The following RPH3A variants were observed in gnomAD, a reference collection of about 807,000 sequenced individuals.
RPH3A encodes the protein rabphilin 3A.
RPH3A carries 48 observed loss-of-function variants against 102.2 expected under a neutral mutation model. That is an observed-to-expected ratio of 0.47 (90% CI 0.37 to 0.60). The LOEUF is 0.60. Ranked by LOEUF, RPH3A falls within the 20% of genes least tolerant of loss-of-function variation. The pLI is 0.00. For synonymous variants in RPH3A, 310 were observed against 324.3 expected, an observed-to-expected ratio of 0.96 and a Z score of 0.47; for missense variants, 781 against 910.1, an observed-to-expected ratio of 0.86 and a Z score of 1.83.
intron 1 of RPH3A, among the ~76,000 whole-genome samples, chr12:112,781,696 C>T (rs1445034559): frequency 6.6e-6 from 1 of 152,180 alleles, no homozygotes; most frequent in African/African-American, 2.4e-5. Context: ...TTCATTCATT[C>T]ACTCAATCAT....
chr12:112,647,297 C>T (rs1417084217), intron 1 of RPH3A, among the ~76,000 whole-genome samples: 1 of 152,156 alleles, frequency 6.6e-6, no homozygotes, highest in African/African-American at 2.4e-5. Flanking sequence ...TGAACCATTG[C>T]TCTGGCCATG....
chr12:112,871,469 A>G (rs1314710311), intron 10 of RPH3A, among the ~76,000 whole-genome samples: 1 of 152,190 alleles, frequency 6.6e-6, no homozygotes, highest in Non-Finnish European at 1.5e-5. Context: ...TGACTGGCTT[A>G]TTCCACCTAG....
At chr12:112,647,531 G>C (rs2039940490) in intron 1 of RPH3A, among the ~76,000 whole-genome samples, 1 of 152,124 alleles carries the variant, frequency 6.6e-6, no homozygotes, top group African/African-American at 2.4e-5. Context: ...TAAATTTCAT[G>C]CTGCAATCAA....
At chr12:112,798,055 G>A (rs2136098333) in intron 2 of RPH3A, among the ~76,000 whole-genome samples, 1 of 152,310 alleles carries the variant, frequency 6.6e-6, no homozygotes, top group African/African-American at 2.4e-5. Flanking sequence ...AGGCAGCAGT[G>A]CTGAGGGCCC....
At chr12:112,714,263 A>G (rs2040499683) in intron 1 of RPH3A, among the ~76,000 whole-genome samples, 1 of 152,146 alleles carries the variant, frequency 6.6e-6, no homozygotes, top group Admixed American at 6.5e-5. Flanking sequence ...ACAGCAGTGC[A>G]TCTTGAGGCA....
Position 112,890,916 on chromosome 12 carries a change from A to T in RPH3A, c.1688A>T (p.Gln563Leu). Reference sequence around the variant, plus strand: ...CTGGTCTCCCTCATGTACAGCACACAGCAGGGAGGCCTCATTGTGGGCATC... The same window carrying T: ...CTGGTCTCCCTCATGTACAGCACACTGCAGGGAGGCCTCATTGTGGGCATC... ...KILVSLMYSTQQGGLIVGIIR... is the reference protein window; with the variant it reads ...KILVSLMYSTLQGGLIVGIIR... The change falls in exon 19 of 22, where the codon CAG (glutamine) becomes CTG (leucine). Residue 563 changes from glutamine (Q) to leucine (L), a missense_variant. Coordinates refer to ENST00000389385, the MANE Select transcript of RPH3A (RefSeq NM_001143854.2). 1 of 1,614,088 alleles carries T rather than the reference A, an allele frequency of 6.2e-7. No homozygotes were observed. The highest frequency in any genetic ancestry group is 8.5e-7 in the Non-Finnish European group (1 of 1,179,992).
chr12:112,858,428 C>G (rs1380649808), intron 5 of RPH3A, among the ~76,000 whole-genome samples: 1 of 152,086 alleles, frequency 6.6e-6, no homozygotes, highest in Admixed American at 6.5e-5. Context: ...ATCTCTCCAG[C>G]CTCATCTCCC....
intron 4 of RPH3A, among the ~76,000 whole-genome samples, 166 bp from the exon 5 acceptor site, chr12:112,847,530 A>G (rs531259657): frequency 3.3e-5 from 5 of 152,378 alleles, no homozygotes; most frequent in African/African-American, 1.2e-4. Flanking sequence ...TAAACTCATT[A>G]GAAGCCTAAG....
intron 1 of RPH3A, among the ~76,000 whole-genome samples, chr12:112,681,621 A>T (rs1184952927): frequency 6.6e-6 from 1 of 152,188 alleles, no homozygotes; most frequent in African/African-American, 2.4e-5. Flanking sequence ...ACATTACAGG[A>T]ATTATGTTAA....
chr12:112,774,560 G>A (rs893053190), intron 1 of RPH3A, among the ~76,000 whole-genome samples: 1 of 152,156 alleles, frequency 6.6e-6, no homozygotes, highest in African/African-American at 2.4e-5. Flanking sequence ...TACTTTGAAA[G>A]GTTTGGGTTG....
chr12:112,621,249 G>A (rs1192173823), intron 1 of RPH3A, among the ~76,000 whole-genome samples: 2 of 151,714 alleles, frequency 1.3e-5, no homozygotes, highest in African/African-American at 2.4e-5. Flanking sequence ...AGCTCCCAGC[G>A]TGAGCGACGC....
At chr12:112,851,391 C>T (rs1362934083) in intron 5 of RPH3A, among the ~76,000 whole-genome samples, 1 of 152,150 alleles carries the variant, frequency 6.6e-6, no homozygotes, top group Non-Finnish European at 1.5e-5. Flanking sequence ...ATTTTAATTA[C>T]TCAGGTTTGG....
intron 1 of RPH3A, among the ~76,000 whole-genome samples, chr12:112,644,600 T>C (rs1262035584): frequency 6.6e-6 from 1 of 152,226 alleles, no homozygotes; most frequent in Admixed American, 6.5e-5. Context: ...TCTGCTACAG[T>C]GGCTGAGAAA....
intron 10 of RPH3A, chr12:112,874,055 A>G (rs188866822): frequency 1.4e-4 from 21 of 152,340 alleles, no homozygotes; most frequent in African/African-American, 4.8e-4. Context: ...GGTGATTTGT[A>G]AGCCCCCAGG....
intron 1 of RPH3A, among the ~76,000 whole-genome samples, chr12:112,649,030 A>G (rs890017373): frequency 2.0e-5 from 3 of 152,154 alleles, no homozygotes; most frequent in Non-Finnish European, 4.4e-5. Flanking sequence ...TGCTGACCAG[A>G]TTGGTCTCAA....
intron 1 of RPH3A, among the ~76,000 whole-genome samples, chr12:112,615,326 A>G (rs908389940): frequency 2.0e-5 from 3 of 152,122 alleles, no homozygotes; most frequent in African/African-American, 7.2e-5. Context: ...CATCTGGTGA[A>G]CCCTGGCACC....
intron 1 of RPH3A, among the ~76,000 whole-genome samples, chr12:112,661,976 C>T (rs537725733): frequency 6.6e-6 from 1 of 152,272 alleles, no homozygotes; most frequent in South Asian, 2.1e-4. Flanking sequence ...GGATCATCCC[C>T]TCCTCTCTAT....
At chr12:112,837,451 C>G (rs575569917) in intron 4 of RPH3A, among the ~76,000 whole-genome samples, 90 of 151,974 alleles carry the variant, frequency 5.9e-4, no homozygotes, top group Admixed American at 1.5e-3. Context: ...AGAAAAATAA[C>G]ATTATCAGGC....
chr12:112,777,169 A>T (rs1176340953), intron 1 of RPH3A, among the ~76,000 whole-genome samples: 1 of 152,212 alleles, frequency 6.6e-6, no homozygotes, highest in South Asian at 2.1e-4. Context: ...TCTTAGAGTT[A>T]TTGTGAGAAT....
Sources: allele counts gnomAD v4.1 joint callset (sites outside exome capture counted in the v4.1 genomes callset), GRCh38; gene constraint gnomAD v4.1.1; transcripts MANE v1.5; gene names NCBI Gene and HGNC (gene_info 2026-07-23, HGNC 2026-07-21).